Variants in ZC3H7B observed in about 807,000 individuals in gnomAD.
ZC3H7B encodes zinc finger CCCH-type containing 7B, also known as zinc finger CCCH domain-containing protein 7B.
Under a neutral mutation model 116.0 loss-of-function variants are expected in ZC3H7B, and 35 were observed. The observed-to-expected ratio is 0.30, with a 90% CI of 0.23 to 0.40. The LOEUF is 0.40. ZC3H7B is among the 10% of genes least tolerant of loss of function. The pLI is 1.00. For missense variants in ZC3H7B, 1,011 were observed against 1,321.5 expected (o/e 0.77, Z 3.64); for synonymous variants, 502 against 545.6 (o/e 0.92, Z 1.11).
In ZC3H7B at chr22:41,311,130, C is replaced by T. The variant is rs535218953; in HGVS notation, c.-7+9358C>T. 1.1e-3 allele frequency among the ~76,000 whole-genome samples: 155 copies of T among 146,426 alleles called. 1 individual carries two copies. Among genetic ancestry groups the T allele is most frequent in the Middle Eastern group, 7.0e-3 (2 of 286 alleles). ...CGTGTATATGTGCATGTGTGCACAT[C>T]GGTTTTGAGTGGGGGAGTGACATTG... On this transcript the variant is annotated intron_variant, in intron 1 of 22. Coordinates refer to ENST00000352645, the MANE Select transcript of ZC3H7B (RefSeq NM_017590.6).
At chr22:41,304,047 A>G (rs1281822396) in intron 1 of ZC3H7B, among the ~76,000 whole-genome samples, 1 of 141,846 alleles carries the variant, frequency 7.0e-6, no homozygotes, top group Non-Finnish European at 1.5e-5. Flanking sequence ...GTGAGCCACC[A>G]TGCCCAGCCT....
At chr22:41,355,183 G>A (rs962207773) in intron 17 of ZC3H7B, among the ~76,000 whole-genome samples, 4 of 152,206 alleles carry the variant, frequency 2.6e-5, no homozygotes, top group Admixed American at 6.5e-5. Context: ...GAGGTGTGGC[G>A]GAACGGAGCT....
intron 1 of ZC3H7B, among the ~76,000 whole-genome samples, chr22:41,309,729 C>T (rs1011559967): frequency 1.2e-4 from 19 of 152,090 alleles, no homozygotes; most frequent in Non-Finnish European, 2.6e-4. Context: ...TCTTCCTGCC[C>T]ATGGATGACA....
intron 1 of ZC3H7B, among the ~76,000 whole-genome samples, chr22:41,318,227 G>T (rs986919356): frequency 6.6e-6 from 1 of 152,020 alleles, no homozygotes; most frequent in African/African-American, 2.4e-5. Flanking sequence ...TTGAGACCAG[G>T]AGTTTAAGAC....
intron 9 of ZC3H7B, 90 bp from the exon 10 acceptor site, chr22:41,339,726 C>A: frequency 8.0e-7 from 1 of 1,252,450 alleles, no homozygotes; most frequent in Non-Finnish European, 1.1e-6. Flanking sequence ...CGACAGGGTG[C>A]AGGTCTCCTT....
rs2036246228 is a variant in ZC3H7B, at chr22:41,320,816, G to C, written c.53+103G>C. 4.6e-6 allele frequency: 7 copies of C among 1,513,338 alleles called. No homozygotes were observed. In the South Asian group the frequency reaches 8.0e-5, roughly 17 times the overall value. 93.7% of individuals were successfully genotyped at this position (1,513,338 alleles called of 1,614,324 possible). A position where few individuals can be genotyped will look rare whatever the true frequency, so the allele number is the denominator to read the frequency against. On this transcript the variant is annotated intron_variant, in intron 2 of 22. Coordinates refer to ENST00000352645, the MANE Select transcript of ZC3H7B (RefSeq NM_017590.6). ...TCCCTTTTCTTGCTGCTGAGCCTTTGCTGCCAAGGCTCCTGTGTGCGCTGG... is the reference window on the plus strand; with the variant it reads ...TCCCTTTTCTTGCTGCTGAGCCTTTCCTGCCAAGGCTCCTGTGTGCGCTGG...
chr22:41,322,119 G>A (rs1030431673), intron 2 of ZC3H7B, among the ~76,000 whole-genome samples: 6 of 151,616 alleles, frequency 4.0e-5, no homozygotes, highest in African/African-American at 1.2e-4. Context: ...GATTACAGGC[G>A]TGAGCCACCG....
chr22:41,316,709 C>G (rs772622486), intron 1 of ZC3H7B, among the ~76,000 whole-genome samples: 7 of 149,048 alleles, frequency 4.7e-5, no homozygotes, highest in Non-Finnish European at 8.9e-5. Flanking sequence ...GTTAGTTGCT[C>G]TGTTGCCCAG....
In ZC3H7B at chr22:41,357,591, C is replaced by A. The variant is rs918650138; in HGVS notation, c.*162C>A. The A allele has an allele frequency of 5.8e-6, 6 of 1,030,188 alleles. No homozygotes were observed. Among genetic ancestry groups the A allele is most frequent in the Non-Finnish European group, 8.2e-6 (6 of 731,536 alleles). 63.8% of individuals were successfully genotyped at this position (1,030,188 alleles called of 1,614,324 possible). On this transcript the variant is annotated 3_prime_UTR_variant, in exon 23 of 23. Transcript: ENST00000352645. This position sits in a 1 kb window ranked among gnomAD's most constrained non-coding sequence, Gnocchi z 5.4. ...GTCCATCTTCTCCCCACCACCGCCCCGGTGTGCGTACCCAGGCGCACGTGC... is the reference window on the plus strand; with the variant it reads ...GTCCATCTTCTCCCCACCACCGCCCAGGTGTGCGTACCCAGGCGCACGTGC...
intron 6 of ZC3H7B, 54 bp downstream of exon 6, chr22:41,330,157 G>A (rs2036364297): frequency 6.3e-7 from 1 of 1,595,050 alleles, no homozygotes; most frequent in African/African-American, 1.3e-5. Flanking sequence ...GAGGTCTGAA[G>A]GGAGGGACCA....
At position 41,356,757 on chromosome 22, in the gene ZC3H7B, C is replaced by G. The variant is rs1448427386; in HGVS notation, c.2630C>G (p.Ala877Gly). 1 of 1,613,666 alleles carries G rather than the reference C, an allele frequency of 6.2e-7. No individual in the cohort carries two copies. The highest frequency in any genetic ancestry group is 1.3e-5 in the African/African-American group (1 of 75,068). The change falls in exon 22 of 23, where the codon GCC becomes GGC. Residue 877 changes from alanine to glycine, a missense_variant. Coordinates refer to ENST00000352645, the MANE Select transcript of ZC3H7B (RefSeq NM_017590.6). ...AAGGTCTTCACGTCCGACAGTGACGCCAGCGGCTGGGCCTTCCGCTTCCCC... is the reference window on the plus strand; with the variant it reads ...AAGGTCTTCACGTCCGACAGTGACGGCAGCGGCTGGGCCTTCCGCTTCCCC... ...KEKVFTSDSDASGWAFRFPMG... is the reference protein window; with the variant it reads ...KEKVFTSDSDGSGWAFRFPMG...
intron 21 of ZC3H7B, 26 bp downstream of exon 21, chr22:41,356,502 G>T: frequency 6.2e-7 from 1 of 1,613,544 alleles, no homozygotes; most frequent in Non-Finnish European, 8.5e-7. Context: ...TGCATGCTCG[G>T]GGCTGCGGTC....
chr22:41,337,516 A>C (rs568526446), intron 7 of ZC3H7B, among the ~76,000 whole-genome samples: 1 of 152,292 alleles, frequency 6.6e-6, no homozygotes, highest in East Asian at 1.9e-4. Context: ...CTCCAGCAGG[A>C]AGGCAGTGGG....
intron 13 of ZC3H7B, among the ~76,000 whole-genome samples, chr22:41,343,879 G>T (rs2036554350): frequency 6.6e-6 from 1 of 152,192 alleles, no homozygotes; most frequent in Non-Finnish European, 1.5e-5. Context: ...CTCATAGGGG[G>T]CTGGCTTCTC....
At chr22:41,318,437 G>A (rs1219682241) in intron 1 of ZC3H7B, among the ~76,000 whole-genome samples, 4 of 150,372 alleles carry the variant, frequency 2.7e-5, no homozygotes, top group Admixed American at 2.0e-4. Context: ...GCTGAGGCAG[G>A]AGAATGGCGT....
At chr22:41,348,499 G>C (rs556050060) in intron 15 of ZC3H7B, among the ~76,000 whole-genome samples, 1 of 152,174 alleles carries the variant, frequency 6.6e-6, no homozygotes, top group Non-Finnish European at 1.5e-5. Context: ...GACAGCAAGC[G>C]GGGGGCCTCG....
chr22:41,301,528 A>T lies in ZC3H7B; in HGVS notation c.-251A>T, dbSNP rs2035963203. The T allele has an allele frequency of 6.6e-6, 1 of 152,016 alleles. No individual in the cohort carries two copies. The highest frequency in any genetic ancestry group is 2.1e-4 in the South Asian group (1 of 4,828). 9.4% of individuals were successfully genotyped at this position (152,016 alleles called of 1,614,324 possible). ...CCCGAGGAGGAAGAGCTGCAGGGAGACAGTGCCTCCAGCGGGTGCTGCCGC... is the reference window on the plus strand; with the variant it reads ...CCCGAGGAGGAAGAGCTGCAGGGAGTCAGTGCCTCCAGCGGGTGCTGCCGC... On this transcript the variant is annotated 5_prime_UTR_variant, in exon 1 of 23. Coordinates refer to ENST00000352645, the MANE Select transcript of ZC3H7B (RefSeq NM_017590.6).
At chr22:41,328,645 T>A (rs1383365235) in intron 5 of ZC3H7B, among the ~76,000 whole-genome samples, 2 of 152,164 alleles carry the variant, frequency 1.3e-5, no homozygotes, top group Admixed American at 6.5e-5. Context: ...CCTTAGCCCC[T>A]CACTCTTGCT....
Position 41,348,101 on chromosome 22 carries a change from A to G in ZC3H7B, c.1700A>G (p.Lys567Arg). 1.2e-6 allele frequency: 2 copies of G among 1,613,960 alleles called. No homozygotes were observed. The highest frequency in any genetic ancestry group is 1.7e-6 in the Non-Finnish European group (2 of 1,179,928). Reference sequence around the variant, plus strand: ...GACAGTAAACCCCGGATCATCAGCAAAGGCACCAAGGACTCTCCGTCTGTC... The same window carrying G: ...GACAGTAAACCCCGGATCATCAGCAGAGGCACCAAGGACTCTCCGTCTGTC... Reference protein sequence around the residue: ...CFDSKPRIISKGTKDSPSVCS... With the variant: ...CFDSKPRIISRGTKDSPSVCS... The change falls in exon 15 of 23, where the codon AAA becomes AGA. Residue 567 changes from lysine (K) to arginine (R), a missense_variant. This residue lies in a region of ZC3H7B where 406 missense variants were observed against 590.2 expected (regional missense o/e 0.69). Transcript: ENST00000352645.
Sources: gnomAD v4.1 joint callset for allele counts (sites outside exome capture counted in the v4.1 genomes callset) on GRCh38, gnomAD v4.1.1 for gene constraint, gnomAD v4.1.1 regional missense constraint, Gnocchi (gnomAD v3.1) non-coding constraint, MANE v1.5 for transcripts, NCBI Gene and HGNC (gene_info 2026-07-23, HGNC 2026-07-21) for gene names.